Variants in EPYC observed in about 807,000 individuals in gnomAD.
The protein encoded by EPYC is dermatan sulfate proteoglycan 3.
A neutral mutation model predicts 30.1 loss-of-function variants in EPYC; 28 were observed. That is an observed-to-expected ratio of 0.93 (90% CI 0.69 to 1.28). EPYC has a LOEUF of 1.28. EPYC is among the 50% of genes most tolerant of loss of function. The pLI is 0.00. For missense variants in EPYC, 382 were observed against 383.5 expected, an observed-to-expected ratio of 1.00 and a Z score of 0.03; for synonymous variants, 144 against 141.4, an observed-to-expected ratio of 1.02 and a Z score of -0.13.
chr12:90,964,438 A>G (rs909646303), intron 6 of EPYC, 112 bp from the exon 7 acceptor site: 21 of 736,418 alleles, frequency 2.9e-5, no homozygotes, highest in Non-Finnish European at 3.9e-5. Flanking sequence ...ATTTTCCTCA[A>G]TCAAAATTAC....
At chr12:90,982,460 T>C (rs1877345070) in intron 2 of EPYC, among the ~76,000 whole-genome samples, 2 of 151,804 alleles carry the variant, frequency 1.3e-5, no homozygotes, top group Non-Finnish European at 2.9e-5. Flanking sequence ...CTTCTCATCC[T>C]CTCTCCTTCC....
chr12:90,992,492 T>A (rs773948163), intron 2 of EPYC, among the ~76,000 whole-genome samples: 1 of 152,170 alleles, frequency 6.6e-6, no homozygotes, highest in South Asian at 2.1e-4. Flanking sequence ...TGAAAATACA[T>A]GCTCACTAGA....
chr12:90,976,432 A>G (rs1877181949), intron 3 of EPYC, among the ~76,000 whole-genome samples: 1 of 152,108 alleles, frequency 6.6e-6, no homozygotes, highest in Non-Finnish European at 1.5e-5. Flanking sequence ...ATTATTTATT[A>G]TCCCATTTTT....
chr12:90,981,313 C>T (rs752438899), intron 2 of EPYC, among the ~76,000 whole-genome samples: 9 of 152,032 alleles, frequency 5.9e-5, no homozygotes, highest in Non-Finnish European at 1.3e-4. Context: ...TTGAAGTGAC[C>T]CTGAAGTGTC....
At chr12:90,965,741 G>A (rs1876878168) in intron 6 of EPYC, among the ~76,000 whole-genome samples, 2 of 151,860 alleles carry the variant, frequency 1.3e-5, no homozygotes, top group African/African-American at 4.8e-5. Flanking sequence ...TTCCACCTTA[G>A]TCGTAAGTCT....
chr12:91,004,823 A>G (rs1460339553), intron 1 of EPYC, 124 bp downstream of exon 1: 2 of 152,144 alleles, frequency 1.3e-5, no homozygotes, highest in African/African-American at 4.8e-5. Flanking sequence ...AATAACAAAA[A>G]TAAACCAAAT....
At chr12:90,993,204 C>A (rs1217797866) in intron 2 of EPYC, among the ~76,000 whole-genome samples, 1 of 152,124 alleles carries the variant, frequency 6.6e-6, no homozygotes, top group Non-Finnish European at 1.5e-5. Context: ...AATTGACTAT[C>A]AATTGCATAC....
intron 2 of EPYC, among the ~76,000 whole-genome samples, chr12:91,001,797 TTGAC>T (rs1877828151): frequency 6.6e-6 from 1 of 152,140 alleles, no homozygotes; most frequent in South Asian, 2.1e-4. Flanking sequence ...TCCTTGCTGA[TTGAC>T]TTTTTCTAAT....
intron 3 of EPYC, among the ~76,000 whole-genome samples, chr12:90,977,328 T>C (rs1310867902): frequency 6.6e-6 from 1 of 152,194 alleles, no homozygotes; most frequent in Non-Finnish European, 1.5e-5. Context: ...GGACATATTA[T>C]AGAATTACAT....
Position 90,972,874 on chromosome 12 carries a change from A to G in EPYC, c.447T>C (p.Tyr149=). ...TCTTTTTAATTCTGTTAAAGCGGGA[A>G]TAGAAATAAGCGGTGTTCTTTGGCA... ...PPLPKNTAYF[Y]SRFNRIKKIN... is the part of the protein sequence containing the mutation. The change falls in exon 4 of 7, where the codon TAT becomes TAC. Residue 149 remains tyrosine (Y), a synonymous_variant. Coordinates refer to ENST00000261172, the MANE Select transcript of EPYC (RefSeq NM_004950.5). 1 of 1,613,846 alleles carries G rather than the reference A, an allele frequency of 6.2e-7. No homozygotes were observed. The highest frequency in any genetic ancestry group is 8.5e-7 in the Non-Finnish European group (1 of 1,179,782).
chr12:90,972,260 T>C (rs2120807352), intron 4 of EPYC, among the ~76,000 whole-genome samples: 1 of 152,318 alleles, frequency 6.6e-6, no homozygotes, highest in Admixed American at 6.5e-5. Flanking sequence ...ATAAAGTTTG[T>C]CTGGATTTTG....
intron 2 of EPYC, among the ~76,000 whole-genome samples, chr12:90,998,199 G>T (rs1056117775): frequency 3.9e-5 from 6 of 152,018 alleles, no homozygotes; most frequent in Non-Finnish European, 5.9e-5. Flanking sequence ...GCTCACTTAA[G>T]GTTAGCTGTA....
Position 90,990,808 on chromosome 12 carries a change from C to A in EPYC, c.165+11593G>T, listed in dbSNP as rs551524892. Among the ~76,000 whole-genome samples the A allele has an allele frequency of 1.7e-4, 26 of 152,180 alleles. No homozygotes were observed. The South Asian group carries it at 4.4e-3, about 25-fold the overall frequency. On this transcript the variant is annotated intron_variant, in intron 2 of 6. Coordinates refer to ENST00000261172, the MANE Select transcript of EPYC (RefSeq NM_004950.5). ...CAGTCATTAGCATGATAAAAAAACACCCTGCCAAAAGATGACTGCTGAATA... is the reference window on the plus strand; with the variant it reads ...CAGTCATTAGCATGATAAAAAAACAACCTGCCAAAAGATGACTGCTGAATA...
intron 2 of EPYC, among the ~76,000 whole-genome samples, chr12:90,985,977 C>T (rs762640701): frequency 6.6e-6 from 1 of 152,162 alleles, no homozygotes; most frequent in African/African-American, 2.4e-5. Context: ...CTGGGACAGC[C>T]TGTAACCAGG....
At chr12:91,001,496 G>GATT (rs1279583568) in intron 2 of EPYC, among the ~76,000 whole-genome samples, 6 of 152,044 alleles carry the variant, frequency 3.9e-5, no homozygotes, top group African/African-American at 1.2e-4. Flanking sequence ...TTTGCTTTCT[G>GATT]ATTCATAAAG....
At position 90,974,072 on chromosome 12, in the gene EPYC, A is replaced by ACACACACCCC. The variant is rs71094701; in HGVS notation, c.341-1093_341-1092insGGGGTGTGTG. On this transcript the variant is annotated intron_variant, in intron 3 of 6. Coordinates refer to ENST00000261172, the MANE Select transcript of EPYC (RefSeq NM_004950.5). ...CACACACACACACACACACACACAC[A>ACACACACCCC]CCCCTACCTCTCCACCCCTTCTTCA... is the stretch of plus-strand genomic sequence containing the variant. 6.6e-3 allele frequency among the ~76,000 whole-genome samples: 958 copies of ACACACACCCC among 144,134 alleles called. 6 individuals carry two copies. The highest frequency in any genetic ancestry group is 0.011 in the Non-Finnish European group (749 of 66,504). The allele number at this position is 144,134 out of a possible 152,430, so 94.6% of individuals were successfully genotyped here.
intron 2 of EPYC, among the ~76,000 whole-genome samples, chr12:90,983,716 C>A (rs896073002): frequency 3.9e-5 from 6 of 152,114 alleles, no homozygotes; most frequent in South Asian, 4.1e-4. Flanking sequence ...GCCTGTCAGA[C>A]AAACTTCCTC....
intron 2 of EPYC, among the ~76,000 whole-genome samples, chr12:90,988,953 A>T (rs1298083160): frequency 1.3e-5 from 2 of 152,116 alleles, no homozygotes; most frequent in Non-Finnish European, 2.9e-5. Context: ...AATGTGTTTT[A>T]GCTAAGTGCC....
At chr12:90,994,519 A>G (rs557481590) in intron 2 of EPYC, among the ~76,000 whole-genome samples, 1 of 152,286 alleles carries the variant, frequency 6.6e-6, no homozygotes, top group South Asian at 2.1e-4. Flanking sequence ...TGGGTTATTC[A>G]GCATTATGAC....
Sources: gnomAD v4.1 joint callset for allele counts (sites outside exome capture counted in the v4.1 genomes callset) on GRCh38, gnomAD v4.1.1 for gene constraint, MANE v1.5 for transcripts, NCBI Gene and HGNC (gene_info 2026-07-23, HGNC 2026-07-21) for gene names.